LINS1: variants seen among roughly 807,000 people sequenced by gnomAD.
The protein encoded by LINS1 is lines homolog 1, also known as protein Lines homolog 1.
Under a neutral mutation model 41.6 loss-of-function variants are expected in LINS1, and 27 were observed. That is an observed-to-expected ratio of 0.65 (90% confidence interval 0.48 to 0.89). The LOEUF (loss-of-function observed/expected upper bound fraction) is 0.89, where lower values mean the gene tolerates loss of function less well. LINS1 is among the 40% of genes least tolerant of loss of function. LINS1 has a pLI of 0.00. For synonymous variants in LINS1, 336 were observed against 312.9 expected (o/e 1.07, Z -0.78); for missense variants, 955 against 884.1 (o/e 1.08, Z -1.02).
Position 100,580,951 on chromosome 15 carries a change from A to G in LINS1, c.-103-6T>C. ...AGAAGTTTCTTCAGTGAAACCTAAAATAGGAAAAATAATTTAAAAATTCTA... is the reference window on the plus strand; with the variant it reads ...AGAAGTTTCTTCAGTGAAACCTAAAGTAGGAAAAATAATTTAAAAATTCTA... On this transcript the variant is annotated splice_polypyrimidine_tract_variant and splice_region_variant and intron_variant, in intron 1 of 6. Coordinates refer to ENST00000314742, the MANE Select transcript of LINS1 (RefSeq NM_001040616.3). 1.0e-6 allele frequency: 1 copy of G among 998,648 alleles called. No individual in the cohort carries two copies. The highest frequency in any genetic ancestry group is 1.5e-6 in the Non-Finnish European group (1 of 680,056). 61.9% of individuals were successfully genotyped at this position (998,648 alleles called of 1,614,324 possible).
chr15:100,574,900 G>A (rs2038068863), intron 4 of LINS1, 87 bp downstream of exon 4: 3 of 1,335,858 alleles, frequency 2.2e-6, no homozygotes, highest in Non-Finnish European at 3.2e-6. Flanking sequence ...CAGATCAGAT[G>A]TTCCAAATTA....
intron 1 of LINS1, among the ~76,000 whole-genome samples, chr15:100,591,382 G>GT (rs1279376800): frequency 6.6e-6 from 1 of 152,116 alleles, no homozygotes; most frequent in Admixed American, 6.6e-5. Context: ...CAAAATGAAG[G>GT]TAACTGAGAG....
chr15:100,579,859 T>C (rs753448286), intron 3 of LINS1, among the ~76,000 whole-genome samples: 4 of 152,210 alleles, frequency 2.6e-5, no homozygotes, highest in Admixed American at 1.3e-4. Flanking sequence ...CAGAAAGTTA[T>C]GGAGTCTGAT....
At chr15:100,578,122 T>G (rs564203206) in intron 3 of LINS1, among the ~76,000 whole-genome samples, 4 of 152,206 alleles carry the variant, frequency 2.6e-5, no homozygotes, top group African/African-American at 9.6e-5. Flanking sequence ...GGGCAAGGAC[T>G]TCATGTCTAA....
chr15:100,593,490 C>T (rs148324840), intron 1 of LINS1, among the ~76,000 whole-genome samples: 31 of 145,798 alleles, frequency 2.1e-4, no homozygotes, highest in Middle Eastern at 7.6e-3. Context: ...GTTAGGAATA[C>T]GAATCGTTAA....
rs28497202 is a variant in LINS1, at chr15:100,568,703, C to T, written c.*535G>A. 0.042 allele frequency: 6,468 copies of T among 153,200 alleles called. 157 individuals carry two copies. The highest frequency in any genetic ancestry group is 0.085 in the Middle Eastern group (25 of 294). 9.5% of individuals were successfully genotyped at this position (153,200 alleles called of 1,614,324 possible). ...CTAGCTGAGGAACGCAATCACCACC[C>T]CCGATTTTGTGTCACTTAGAACTGC... On this transcript the variant is annotated 3_prime_UTR_variant, in exon 7 of 7. Coordinates refer to ENST00000314742, the MANE Select transcript of LINS1 (RefSeq NM_001040616.3).
At chr15:100,578,088 C>T (rs1474479605) in intron 3 of LINS1, among the ~76,000 whole-genome samples, 3 of 152,090 alleles carry the variant, frequency 2.0e-5, no homozygotes, top group Non-Finnish European at 4.4e-5. Context: ...AAAACCTAGG[C>T]AATACCATTC....
At chr15:100,574,865 G>C (rs2038067130) in intron 4 of LINS1, 122 bp downstream of exon 4, 1 of 1,037,824 alleles carries the variant, frequency 9.6e-7, no homozygotes. Flanking sequence ...TATTGGAAGA[G>C]ACTGACTTTT....
chr15:100,573,667 T>G lies in LINS1; in HGVS notation c.1206A>C (p.Ser402=). 1 of 1,600,500 alleles carries G rather than the reference T, an allele frequency of 6.2e-7. No individual in the cohort carries two copies. Among genetic ancestry groups the G allele is most frequent in the South Asian group, 1.1e-5 (1 of 90,004 alleles). ...GAGAATTACCTTTCACTTCACTTGC[T>G]GAAGAATAATTTTGAAACTTGATTT... The part of the protein sequence containing the change: ...SLEIKFQNYS[S]ASEVKVDLQR... The change falls in exon 5 of 7, where the codon TCA becomes TCC. Residue 402 remains serine (S), a synonymous_variant. Coordinates refer to ENST00000314742, the MANE Select transcript of LINS1 (RefSeq NM_001040616.3).
intron 5 of LINS1, chr15:100,572,292 C>T (rs1001449150): frequency 1.1e-5 from 15 of 1,323,918 alleles, no homozygotes; most frequent in African/African-American, 3.0e-5. Flanking sequence ...TTAAAATGTA[C>T]AGCTACATCA....
At chr15:100,582,009 C>T (rs1198639621) in intron 1 of LINS1, among the ~76,000 whole-genome samples, 4 of 152,260 alleles carry the variant, frequency 2.6e-5, no homozygotes, top group Admixed American at 2.0e-4. Flanking sequence ...AAATTACAGA[C>T]TTCTCTGCCC....
intron 1 of LINS1, 56 bp downstream of exon 1, chr15:100,602,065 T>G (rs1323914719): frequency 6.6e-6 from 1 of 152,292 alleles, no homozygotes; most frequent in African/African-American, 2.4e-5. Flanking sequence ...GGCTCTCATT[T>G]GGCCGCACTC....
chr15:100,569,252 T>C lies in LINS1; in HGVS notation c.2260A>G (p.Met754Val), dbSNP rs1365527801. 4 of 1,589,432 alleles carry C rather than the reference T, an allele frequency of 2.5e-6. No homozygotes were observed. Among genetic ancestry groups the C allele is most frequent in the Admixed American group, 1.7e-5 (1 of 59,706 alleles). ...ATGTCAATGTTTTACAAAGTGTTCA[T>C]AGTTTTATTACTTATCACCTCTATG... Reference protein sequence around the residue: ...KYIEVISNKTMNTL With the variant: ...KYIEVISNKTVNTL The change falls in exon 7 of 7, where the codon ATG becomes GTG. Residue 754 changes from methionine to valine, a missense_variant. Coordinates refer to ENST00000314742, the MANE Select transcript of LINS1 (RefSeq NM_001040616.3).
intron 3 of LINS1, 52 bp from the exon 4 acceptor site, chr15:100,575,180 T>A (rs770901308): frequency 1.3e-6 from 2 of 1,483,074 alleles, no homozygotes; most frequent in Non-Finnish European, 1.9e-6. Context: ...TTTCTTTACA[T>A]AATACAACTG....
chr15:100,584,583 G>A (rs1185083312), intron 1 of LINS1, among the ~76,000 whole-genome samples: 1 of 151,438 alleles, frequency 6.6e-6, no homozygotes, highest in Non-Finnish European at 1.5e-5. Context: ...AAAAAAAAAA[G>A]TATTGGGGTT....
Position 100,600,551 on chromosome 15 carries a change from C to CAAAAAAA in LINS1, c.-104+1563_-104+1569dup, listed in dbSNP as rs56911211. Among the ~76,000 whole-genome samples the CAAAAAAA allele has an allele frequency of 1.6e-3, 124 of 79,642 alleles. 23 individuals carry two copies. Among genetic ancestry groups the CAAAAAAA allele is most frequent in the East Asian group, 2.4e-3 (7 of 2,906 alleles). The allele number at this position is 79,642 out of a possible 152,430, so 52.2% of individuals were successfully genotyped here. A position where few individuals can be genotyped will look rare whatever the true frequency, so the allele number is the denominator to read the frequency against. On this transcript the variant is annotated intron_variant, in intron 1 of 6. Coordinates refer to ENST00000314742, the MANE Select transcript of LINS1 (RefSeq NM_001040616.3). ...TTTACATTGGAGTCCTGCTGTTAAG[C>CAAAAAAA]AAAAAAAAAAAAAAAAAAAACAGGG...
At position 100,569,122 on chromosome 15, in the gene LINS1, CAA is replaced by C. The variant is rs56225071; in HGVS notation, c.*114_*115del. On this transcript the variant is annotated 3_prime_UTR_variant, in exon 7 of 7. Transcript: ENST00000314742. ...TGAGCGACAGAATGAGATTCTGTCT[CAA>C]AAAAAAAAAAAAAAAAGAAAACCCT... 4,129 of 468,770 alleles carry C rather than the reference CAA, an allele frequency of 8.8e-3. No individual in the cohort carries two copies. Among genetic ancestry groups the C allele is most frequent in the East Asian group, 0.022 (603 of 27,192 alleles). 29.0% of individuals were successfully genotyped at this position (468,770 alleles called of 1,614,324 possible). A position where few individuals can be genotyped will look rare whatever the true frequency, so the allele number is the denominator to read the frequency against.
chr15:100,585,806 A>G (rs8034510), intron 1 of LINS1, among the ~76,000 whole-genome samples: 15,329 of 152,282 alleles, frequency 0.1, 854 homozygotes, highest in Middle Eastern at 0.19. Context: ...CTTAAGTATA[A>G]CTTTACTAAA....
At chr15:100,584,775 C>T (rs753964797) in intron 1 of LINS1, among the ~76,000 whole-genome samples, 34 of 152,190 alleles carry the variant, frequency 2.2e-4, no homozygotes, top group Non-Finnish European at 3.8e-4. Context: ...TCAGATCACA[C>T]AGACTGAAGA....
Sources: allele counts gnomAD v4.1 joint callset (sites outside exome capture counted in the v4.1 genomes callset), GRCh38; gene constraint gnomAD v4.1.1; transcripts MANE v1.5; gene names NCBI Gene and HGNC (gene_info 2026-07-23, HGNC 2026-07-21).